Variants in MAP2K6 observed in about 807,000 individuals in gnomAD.
MAP2K6 encodes the protein dual specificity mitogen-activated protein kinase kinase 6.
MAP2K6 carries 16 observed loss-of-function variants against 53.7 expected under a neutral mutation model. That is an observed-to-expected ratio of 0.30 (90% CI 0.20 to 0.45). The LOEUF (loss-of-function observed/expected upper bound fraction) is 0.45. Ranked by LOEUF, MAP2K6 falls within the 20% of genes least tolerant of loss-of-function variation. The probability of loss-of-function intolerance (pLI) is 1.00; values close to 1 mark genes in which losing one functional copy is unlikely to be tolerated. For missense variants in MAP2K6, 204 were observed against 411.9 expected, an observed-to-expected ratio of 0.50 and a Z score of 4.37; for synonymous variants, 132 against 143.1, an observed-to-expected ratio of 0.92 and a Z score of 0.55.
In MAP2K6 at chr17:69,436,348, TA is replaced by T. The variant is rs1488011967; in HGVS notation, c.16+21350del. Among the ~76,000 whole-genome samples the T allele has an allele frequency of 4.6e-5, 7 of 152,358 alleles. No homozygotes were observed. In the South Asian group the frequency reaches 6.2e-4, roughly 14 times the overall value. ...AAATACTATAATTATTTTTGTTTTA[TA>T]ATAGTGATTGTACAGTAAATATTTT... On this transcript the variant is annotated intron_variant, in intron 1 of 11. Coordinates refer to ENST00000590474, the MANE Select transcript of MAP2K6 (RefSeq NM_002758.4).
intron 7 of MAP2K6, among the ~76,000 whole-genome samples, chr17:69,522,890 C>CAA (rs34231223): frequency 2.5e-4 from 25 of 98,848 alleles, no homozygotes; most frequent in East Asian, 2.1e-3. Context: ...TCCTGTCTGT[C>CAA]AAAAAAAAAA....
intron 10 of MAP2K6, among the ~76,000 whole-genome samples, chr17:69,533,664 G>A (rs938724921): frequency 2.6e-5 from 4 of 151,602 alleles, no homozygotes; most frequent in Admixed American, 1.3e-4. Context: ...TTGTTCCAGC[G>A]ATAGAGAAGC....
intron 7 of MAP2K6, among the ~76,000 whole-genome samples, chr17:69,523,181 A>G (rs1910572680): frequency 6.6e-6 from 1 of 152,234 alleles, no homozygotes; most frequent in East Asian, 1.9e-4. Flanking sequence ...TCAATAGATC[A>G]TTTTGAATTG....
At chr17:69,500,630 C>T (rs761798931) in intron 1 of MAP2K6, among the ~76,000 whole-genome samples, 2 of 151,568 alleles carry the variant, frequency 1.3e-5, no homozygotes, top group South Asian at 2.1e-4. Flanking sequence ...ATGGCGGGCA[C>T]CTGTAATCCC....
At chr17:69,507,194 C>T (rs1471421935) in intron 2 of MAP2K6, among the ~76,000 whole-genome samples, 2 of 152,092 alleles carry the variant, frequency 1.3e-5, no homozygotes, top group Admixed American at 6.6e-5. Flanking sequence ...TCCCATAGAT[C>T]CCTTTCCCCA....
At chr17:69,440,103 A>G (rs971430862) in intron 1 of MAP2K6, among the ~76,000 whole-genome samples, 3 of 151,884 alleles carry the variant, frequency 2.0e-5, no homozygotes, top group Non-Finnish European at 4.4e-5. Flanking sequence ...GCTGGAGTGC[A>G]GTGGCATGAT....
intron 2 of MAP2K6, among the ~76,000 whole-genome samples, chr17:69,514,557 C>CT (rs534538264): frequency 3.5e-3 from 533 of 151,258 alleles, no homozygotes; most frequent in Non-Finnish European, 5.3e-3. Context: ...TTGTATTTCT[C>CT]TTTTTTTTTG....
intron 1 of MAP2K6, among the ~76,000 whole-genome samples, chr17:69,449,924 TTCTC>T (rs950025835): frequency 1.3e-5 from 2 of 149,768 alleles, no homozygotes; most frequent in African/African-American, 2.5e-5. Flanking sequence ...CTTTCTCTCT[TTCTC>T]TCTTTCTTTC....
intron 1 of MAP2K6, among the ~76,000 whole-genome samples, chr17:69,428,439 T>C (rs919050525): frequency 6.6e-6 from 1 of 152,254 alleles, no homozygotes; most frequent in Admixed American, 6.5e-5. Flanking sequence ...AATTTCCCCT[T>C]TTTATAAGGA....
At chr17:69,502,696 T>C (rs1909230814) in intron 1 of MAP2K6, 1 of 985,456 alleles carries the variant, frequency 1.0e-6, no homozygotes, top group Non-Finnish European at 1.2e-6. Flanking sequence ...GTAAGAATGA[T>C]GTTGATGTGG....
chr17:69,462,082 G>C (rs781053535), intron 1 of MAP2K6, among the ~76,000 whole-genome samples: 4 of 152,162 alleles, frequency 2.6e-5, no homozygotes, highest in Admixed American at 1.3e-4. Context: ...GGTGGCATGC[G>C]AAAGTATGCT....
At chr17:69,508,180 T>G (rs1299411492) in intron 2 of MAP2K6, among the ~76,000 whole-genome samples, 1 of 149,500 alleles carries the variant, frequency 6.7e-6, no homozygotes, top group African/African-American at 2.4e-5. Flanking sequence ...GCTTCCCCAG[T>G]AGCTGGGATT....
chr17:69,546,935 A>G lies in MAP2K6; in HGVS notation c.*5182A>G, dbSNP rs1344600099. On this transcript the variant is annotated 3_prime_UTR_variant, in exon 12 of 12. Transcript: ENST00000590474. ...ACATAGTCAGATGGAAAAATGCCAG[A>G]GTAAAATCTAGGAAGAAGGAGCTAC... 1 of 151,962 alleles carries G rather than the reference A, an allele frequency of 6.6e-6. No homozygotes were observed. The highest frequency in any genetic ancestry group is 1.5e-5 in the Non-Finnish European group (1 of 67,992). 9.4% of individuals were successfully genotyped at this position (151,962 alleles called of 1,614,324 possible).
At chr17:69,537,393 C>T (rs1187095641) in intron 11 of MAP2K6, among the ~76,000 whole-genome samples, 1 of 152,196 alleles carries the variant, frequency 6.6e-6, no homozygotes, top group Non-Finnish European at 1.5e-5. Flanking sequence ...CCCTTTCTTA[C>T]TGGAACACAG....
intron 1 of MAP2K6, among the ~76,000 whole-genome samples, chr17:69,500,530 G>A (rs1909120964): frequency 6.6e-6 from 1 of 151,042 alleles, no homozygotes; most frequent in Admixed American, 6.6e-5. Flanking sequence ...GCTGAGGCAG[G>A]TGGATCACGA....
At chr17:69,428,295 A>G (rs1465010588) in intron 1 of MAP2K6, among the ~76,000 whole-genome samples, 1 of 152,184 alleles carries the variant, frequency 6.6e-6, no homozygotes, top group Non-Finnish European at 1.5e-5. Flanking sequence ...GGCCATAAGG[A>G]AAAATCTGTT....
chr17:69,540,158 C>T (rs955590665), intron 11 of MAP2K6, among the ~76,000 whole-genome samples: 5 of 152,132 alleles, frequency 3.3e-5, no homozygotes, highest in Non-Finnish European at 5.9e-5. Context: ...CAGTTTTCCA[C>T]GGAGCTGACT....
chr17:69,485,376 A>G (rs1908494028), intron 1 of MAP2K6: 1 of 539,834 alleles, frequency 1.9e-6, no homozygotes, highest in East Asian at 1.5e-4. Context: ...GAAGTTTTAG[A>G]TCATGCCTGC....
rs1352966706 is a variant in MAP2K6 at position 69,546,384 on chromosome 17, C to T, written c.*4631C>T. 6.6e-6 allele frequency: 1 copy of T among 152,106 alleles called. No homozygotes were observed. Among genetic ancestry groups the T allele is most frequent in the East Asian group, 1.9e-4 (1 of 5,186 alleles). The allele number at this position is 152,106 out of a possible 1,614,324, so 9.4% of individuals were successfully genotyped here. The stretch of plus-strand genomic sequence containing the variant: ...GGCTGGTGCTAAGATGGACAGGGTT[C>T]CTGATTTCTCTCATTGAACTTGATT... On this transcript the variant is annotated 3_prime_UTR_variant, in exon 12 of 12. Coordinates refer to ENST00000590474, the MANE Select transcript of MAP2K6 (RefSeq NM_002758.4).
Sources: allele counts gnomAD v4.1 joint callset (sites outside exome capture counted in the v4.1 genomes callset), GRCh38; gene constraint gnomAD v4.1.1; transcripts MANE v1.5; gene names NCBI Gene and HGNC (gene_info 2026-07-23, HGNC 2026-07-21).